Variants in CALCR observed in about 807,000 individuals in gnomAD.
The protein encoded by CALCR is calcitonin receptor.
Under a neutral mutation model 59.5 loss-of-function variants are expected in CALCR, and 47 were observed. The observed-to-expected ratio is 0.79, with a 90% CI of 0.63 to 1.01. The LOEUF (loss-of-function observed/expected upper bound fraction) is 1.01. CALCR is among the 50% of genes least tolerant of loss of function. The pLI, the probability that CALCR is intolerant of heterozygous loss-of-function variation, is 0.00. For synonymous variants in CALCR, 213 were observed against 211.3 expected, an observed-to-expected ratio of 1.01 and a Z score of -0.07; for missense variants, 566 against 597.1, an observed-to-expected ratio of 0.95 and a Z score of 0.54.
chr7:93,426,605 G>T lies in CALCR; in HGVS notation c.1192-16C>A. 7.2e-7 allele frequency: 1 copy of T among 1,386,462 alleles called. No homozygotes were observed. Among genetic ancestry groups the T allele is most frequent in the African/African-American group, 1.4e-5 (1 of 69,280 alleles). The allele number at this position is 1,386,462 out of a possible 1,614,324, so 85.9% of individuals were successfully genotyped here. ...TGGTTTGGACCTGGAAGAGAAAAAG[G>T]AGCCTTGTTTTTATATGATAGTCAG... is the stretch of plus-strand genomic sequence containing the variant. On this transcript the variant is annotated splice_polypyrimidine_tract_variant and intron_variant, in intron 13 of 13. Transcript: ENST00000426151.
In CALCR at chr7:93,515,099, C is replaced by T. The variant is rs1425074026; in HGVS notation, c.-26-28092G>A. On this transcript the variant is annotated intron_variant, in intron 2 of 13. Transcript: ENST00000426151. ...CAGTAGAAAATCCTTTTTCTTCATA[C>T]CCTCTAGATAAATACATTTTGGCAA... is the stretch of plus-strand genomic sequence containing the variant. Among the ~76,000 whole-genome samples the T allele has an allele frequency of 3.3e-5, 5 of 152,042 alleles. No homozygotes were observed. The East Asian group carries it at 9.6e-4, about 29-fold the overall frequency.
intron 3 of CALCR, among the ~76,000 whole-genome samples, chr7:93,485,557 C>T (rs985807877): frequency 6.6e-5 from 10 of 151,238 alleles, no homozygotes; most frequent in Admixed American, 2.0e-4. Context: ...TCACATATAC[C>T]AGATCACTTA....
chr7:93,488,602 G>C (rs1171503454), intron 2 of CALCR, among the ~76,000 whole-genome samples: 1 of 48,878 alleles, frequency 2.0e-5, no homozygotes, highest in Non-Finnish European at 4.3e-5. Flanking sequence ...AAAAAAAAAA[G>C]CATGGGTTGC....
intron 2 of CALCR, among the ~76,000 whole-genome samples, chr7:93,523,733 CTATTTTTA>C (rs1385340638): frequency 2.0e-5 from 3 of 152,020 alleles, no homozygotes; most frequent in African/African-American, 7.2e-5. Context: ...GGATTTTTTT[CTATTTTTA>C]TAAGTATAAA....
At chr7:93,530,156 G>T (rs2116128793) in intron 2 of CALCR, among the ~76,000 whole-genome samples, 1 of 152,150 alleles carries the variant, frequency 6.6e-6, no homozygotes, top group South Asian at 2.1e-4. Context: ...CAACATAATT[G>T]ACCCTTATTG....
At chr7:93,467,850 T>C (rs1387899226) in intron 7 of CALCR, among the ~76,000 whole-genome samples, 1 of 151,636 alleles carries the variant, frequency 6.6e-6, no homozygotes, top group Non-Finnish European at 1.5e-5. Context: ...ACTTATTATG[T>C]GTCAGACATG....
chr7:93,547,462 T>C (rs1426436103), intron 2 of CALCR, among the ~76,000 whole-genome samples: 1 of 152,204 alleles, frequency 6.6e-6, no homozygotes, highest in Non-Finnish European at 1.5e-5. Flanking sequence ...AAGCATACTA[T>C]TTAATGTGAA....
At chr7:93,471,575 G>A (rs1800554371) in intron 6 of CALCR, among the ~76,000 whole-genome samples, 2 of 151,814 alleles carry the variant, frequency 1.3e-5, no homozygotes, top group African/African-American at 2.4e-5. Flanking sequence ...TAATTATTTA[G>A]TATACAGGCC....
At chr7:93,467,435 T>C (rs1340055001) in intron 7 of CALCR, among the ~76,000 whole-genome samples, 1 of 151,672 alleles carries the variant, frequency 6.6e-6, no homozygotes, top group African/African-American at 2.4e-5. Flanking sequence ...TGAAAAATGA[T>C]GAAGGAAAAA....
intron 2 of CALCR, among the ~76,000 whole-genome samples, chr7:93,493,655 A>G (rs559031198): frequency 6.6e-6 from 1 of 151,574 alleles, no homozygotes; most frequent in Non-Finnish European, 1.5e-5. Context: ...AAGTTAGTGC[A>G]AAGAACCATT....
intron 2 of CALCR, among the ~76,000 whole-genome samples, chr7:93,564,972 C>T (rs866174048): frequency 9.2e-5 from 14 of 152,024 alleles, no homozygotes; most frequent in African/African-American, 2.7e-4. Flanking sequence ...ATGGTAGGTG[C>T]GGGACAAACT....
chr7:93,468,531 C>G (rs1800485470), intron 7 of CALCR, among the ~76,000 whole-genome samples, 184 bp downstream of exon 7: 1 of 151,706 alleles, frequency 6.6e-6, no homozygotes, highest in Non-Finnish European at 1.5e-5. Flanking sequence ...CTGTTCTCCC[C>G]AAAGATAGGA....
intron 2 of CALCR, among the ~76,000 whole-genome samples, chr7:93,510,427 AG>A (rs1363859402): frequency 6.6e-6 from 1 of 152,182 alleles, no homozygotes; most frequent in African/African-American, 2.4e-5. Context: ...CTGGTGGGCC[AG>A]GGAGGCACCC....
chr7:93,564,438 A>G (rs915574384), intron 2 of CALCR, among the ~76,000 whole-genome samples: 1 of 152,038 alleles, frequency 6.6e-6, no homozygotes, highest in African/African-American at 2.4e-5. Context: ...AGAACACATC[A>G]TTAACATTGA....
chr7:93,553,325 T>C (rs1041538350), intron 2 of CALCR, among the ~76,000 whole-genome samples: 2 of 152,122 alleles, frequency 1.3e-5, no homozygotes, highest in Admixed American at 1.3e-4. Flanking sequence ...AGGGAAGAGC[T>C]GGGAGATCCT....
intron 2 of CALCR, chr7:93,559,670 T>C (rs1372509888): frequency 6.6e-6 from 1 of 152,090 alleles, no homozygotes; most frequent in Non-Finnish European, 1.5e-5. Context: ...AAAGCTAATC[T>C]TCTTTGAAGA....
At chr7:93,452,944 C>T (rs760071090) in intron 8 of CALCR, among the ~76,000 whole-genome samples, 3 of 152,042 alleles carry the variant, frequency 2.0e-5, no homozygotes, top group Non-Finnish European at 4.4e-5. Context: ...TATCACTCTT[C>T]ATTAGGGATG....
chr7:93,524,049 C>A (rs986552214), intron 2 of CALCR, among the ~76,000 whole-genome samples: 3 of 151,762 alleles, frequency 2.0e-5, no homozygotes, highest in Non-Finnish European at 1.5e-5. Flanking sequence ...TATGTTTCAT[C>A]ATATTAGTAG....
chr7:93,556,234 T>C (rs747176321), intron 2 of CALCR, among the ~76,000 whole-genome samples: 6 of 152,158 alleles, frequency 3.9e-5, no homozygotes, highest in Non-Finnish European at 7.4e-5. Context: ...AGTGGCCTGA[T>C]ATTGGCATGA....
Sources: allele counts gnomAD v4.1 joint callset (sites outside exome capture counted in the v4.1 genomes callset), GRCh38; gene constraint gnomAD v4.1.1; transcripts MANE v1.5; gene names NCBI Gene and HGNC (gene_info 2026-07-23, HGNC 2026-07-21).